The following PRKCH variants were observed in gnomAD, a reference collection of about 807,000 sequenced individuals.
PRKCH encodes the protein protein kinase C eta.
In PRKCH, 28 loss-of-function variants were observed where a neutral mutation model predicts 82.5. The ratio of observed to expected loss-of-function variants is 0.34; its 90% CI spans 0.25 to 0.47. The LOEUF (loss-of-function observed/expected upper bound fraction) is 0.47, where lower values mean the gene tolerates loss of function less well. PRKCH is among the 20% of genes least tolerant of loss of function. The pLI is 1.00. For synonymous variants in PRKCH, 322 were observed against 327.4 expected (o/e 0.98, Z 0.18); for missense variants, 705 against 881.8 (o/e 0.80, Z 2.54).
intron 1 of PRKCH, among the ~76,000 whole-genome samples, chr14:61,203,593 C>T (rs997292141): frequency 6.6e-6 from 1 of 152,142 alleles, no homozygotes; most frequent in Non-Finnish European, 1.5e-5. Context: ...GCATTGGGGG[C>T]ATCTCTTGTG....
At chr14:61,439,688 G>T (rs1330859635) in intron 2 of PRKCH, among the ~76,000 whole-genome samples, 1 of 152,060 alleles carries the variant, frequency 6.6e-6, no homozygotes, top group Non-Finnish European at 1.5e-5. Flanking sequence ...ATGTCACCCG[G>T]CTTTAGGATT....
intron 2 of PRKCH, among the ~76,000 whole-genome samples, chr14:61,424,112 T>A (rs927279850): frequency 6.6e-6 from 1 of 152,222 alleles, no homozygotes; most frequent in African/African-American, 2.4e-5. Flanking sequence ...TGATTATAAG[T>A]TTCCTGAGGC....
intron 1 of PRKCH, among the ~76,000 whole-genome samples, chr14:61,229,850 T>C (rs80037363): frequency 0.02 from 3,082 of 152,188 alleles, 110 homozygotes; most frequent in African/African-American, 0.065. Flanking sequence ...TTAACACACA[T>C]GTGCACAGAA....
At chr14:61,283,037 A>ATT (rs112461509) in intron 1 of PRKCH, among the ~76,000 whole-genome samples, 5 of 146,324 alleles carry the variant, frequency 3.4e-5, no homozygotes, top group South Asian at 2.2e-4. Flanking sequence ...ACTTTTGTAG[A>ATT]TTTTTTTTTT....
chr14:61,322,281 G>A lies in PRKCH; in HGVS notation c.180G>A (p.Lys60=). Residue 60 remains lysine (K), a synonymous_variant, in exon 1 of 14, where the codon AAG becomes AAA. Transcript: ENST00000332981. ...TGCGCGTGGGCCAGACCAGCACCAA[G>A]CAGAAGACCAACAAACCCACGTACA... ...DQVRVGQTST[K]QKTNKPTYNE... The A allele has an allele frequency of 1.2e-6, 2 of 1,613,274 alleles. No individual in the cohort carries two copies.
intron 2 of PRKCH, among the ~76,000 whole-genome samples, chr14:61,410,616 G>C (rs1882214168): frequency 1.3e-5 from 2 of 152,218 alleles, no homozygotes; most frequent in African/African-American, 4.8e-5. Context: ...GAGGCAAAGA[G>C]CACTGGTGTG....
intron 1 of PRKCH, chr14:61,322,786 G>A (rs1035734653): frequency 6.5e-6 from 2 of 305,406 alleles, no homozygotes; most frequent in Non-Finnish European, 1.2e-5. Context: ...CTTTCAGCAC[G>A]AGAGTGATAG....
rs1290897908 is a variant in PRKCH, at chr14:61,458,693, T to C, written c.1278+1014T>C. 2.0e-5 allele frequency among the ~76,000 whole-genome samples: 3 copies of C among 152,210 alleles called. No individual in the cohort carries two copies. The East Asian group carries it at 5.8e-4, about 29-fold the overall frequency. ...TACAGGAGGCATGGCTGGGGAGGCCTCAAGAAACTTACAGTCATAGCGGAA... is the reference window on the plus strand; with the variant it reads ...TACAGGAGGCATGGCTGGGGAGGCCCCAAGAAACTTACAGTCATAGCGGAA... On this transcript the variant is annotated intron_variant, in intron 9 of 13. Transcript: ENST00000332981.
intron 1 of PRKCH, among the ~76,000 whole-genome samples, chr14:61,256,081 A>G (rs983861659): frequency 3.3e-5 from 5 of 152,118 alleles, no homozygotes; most frequent in Non-Finnish European, 4.4e-5. Context: ...GTTGGTGACA[A>G]TTTCAAGGTT....
upstream of PRKCH, among the ~76,000 whole-genome samples, chr14:61,320,200 A>G (rs183696451): frequency 1.6e-3 from 243 of 152,280 alleles, no homozygotes; most frequent in African/African-American, 5.5e-3. Flanking sequence ...TCTAAAACAT[A>G]AAAGAAAGAA....
Position 61,534,860 on chromosome 14 carries a change from T to A in PRKCH, c.1761+4265T>A, listed in dbSNP as rs535476447. 3.3e-5 allele frequency among the ~76,000 whole-genome samples: 5 copies of A among 152,258 alleles called. No individual in the cohort carries two copies. The South Asian group carries it at 1.0e-3, about 32-fold the overall frequency. ...CCCGCTTCAAATAAGGCAGTATACA[T>A]GAAAGTGTTTTCCAAGTGGAATGCA... On this transcript the variant is annotated intron_variant, in intron 12 of 13. Coordinates refer to ENST00000332981, the MANE Select transcript of PRKCH (RefSeq NM_006255.5).
chr14:61,306,952 TTTTA>T (rs2045489360), intron 1 of PRKCH: 1 of 152,214 alleles, frequency 6.6e-6, no homozygotes, highest in Non-Finnish European at 1.5e-5. Context: ...GAAAAGACAT[TTTTA>T]AAGAGTTTAA....
At chr14:61,318,229 C>A (rs184562555), upstream of PRKCH, among the ~76,000 whole-genome samples, 1 of 151,984 alleles carries the variant, frequency 6.6e-6, no homozygotes. Flanking sequence ...CCTGCCACCA[C>A]GCCTGGCTAA....
intron 1 of PRKCH, among the ~76,000 whole-genome samples, chr14:61,327,403 A>G (rs564225894): frequency 1.2e-4 from 18 of 152,352 alleles, no homozygotes; most frequent in African/African-American, 3.8e-4. Context: ...AGGAATGTCT[A>G]ACACTGACTG....
At chr14:61,506,264 A>C (rs1887143273) in intron 10 of PRKCH, among the ~76,000 whole-genome samples, 1 of 152,152 alleles carries the variant, frequency 6.6e-6, no homozygotes, top group South Asian at 2.1e-4. Context: ...GCTTGGAAAA[A>C]TGTCAGGAAT....
chr14:61,387,911 G>C (rs2046613080), intron 1 of PRKCH, among the ~76,000 whole-genome samples: 1 of 152,174 alleles, frequency 6.6e-6, no homozygotes, highest in African/African-American at 2.4e-5. Flanking sequence ...ACTTTGGGAG[G>C]CTGAGGTGGA....
At chr14:61,241,871 G>T (rs1594869586) in intron 1 of PRKCH, among the ~76,000 whole-genome samples, 1 of 152,214 alleles carries the variant, frequency 6.6e-6, no homozygotes, top group African/African-American at 2.4e-5. Context: ...ATGAGATGAA[G>T]CGTGTTTTAT....
At chr14:61,395,941 G>A (rs1219126341) in intron 2 of PRKCH, among the ~76,000 whole-genome samples, 1 of 152,040 alleles carries the variant, frequency 6.6e-6, no homozygotes, top group Admixed American at 6.6e-5. Flanking sequence ...TTAACCAGGT[G>A]TGGTGGTGCA....
intron 10 of PRKCH, among the ~76,000 whole-genome samples, chr14:61,502,364 C>T (rs1161102898): frequency 6.6e-6 from 1 of 152,052 alleles, no homozygotes; most frequent in East Asian, 1.9e-4. Context: ...CCCATTCAAT[C>T]TTTTCTTTTA....
Sources: gnomAD v4.1 joint callset for allele counts (sites outside exome capture counted in the v4.1 genomes callset) on GRCh38, gnomAD v4.1.1 for gene constraint, MANE v1.5 for transcripts, NCBI Gene and HGNC (gene_info 2026-07-23, HGNC 2026-07-21) for gene names.